GPC6: variants seen among roughly 807,000 people sequenced by gnomAD.
GPC6 encodes glypican-6.
In GPC6, 14 loss-of-function variants were observed where a neutral mutation model predicts 55.2. The observed-to-expected ratio is 0.25, with a 90% CI of 0.17 to 0.40. The LOEUF is 0.40. Among genes scored for constraint, GPC6 ranks in the 10% least tolerant of loss-of-function variants. The pLI is 1.00. For synonymous variants in GPC6, 278 were observed against 259.6 expected, an observed-to-expected ratio of 1.07 and a Z score of -0.68; for missense variants, 641 against 708.5, an observed-to-expected ratio of 0.90 and a Z score of 1.08.
chr13:93,344,126 C>T (rs374380258), intron 1 of GPC6, among the ~76,000 whole-genome samples: 39 of 152,290 alleles, frequency 2.6e-4, no homozygotes, highest in Middle Eastern at 3.4e-3. Context: ...AATAACCCAC[C>T]TCCTCCACTT....
chr13:93,574,444 A>C (rs539965408), intron 2 of GPC6, among the ~76,000 whole-genome samples: 103 of 152,196 alleles, frequency 6.8e-4, no homozygotes, highest in Middle Eastern at 3.4e-3. Flanking sequence ...TATTCTTTAC[A>C]TATTTTGGAG....
At chr13:93,444,195 C>CTTCTTCT (rs755978023) in intron 1 of GPC6, among the ~76,000 whole-genome samples, 130 of 110,688 alleles carry the variant, frequency 1.2e-3, no homozygotes, top group African/African-American at 3.9e-3. Flanking sequence ...TGCAATTCTT[C>CTTCTTCT]TTTTTTTTTT....
At chr13:93,997,863 G>GT (rs1881628233) in intron 3 of GPC6, among the ~76,000 whole-genome samples, 1 of 152,172 alleles carries the variant, frequency 6.6e-6, no homozygotes, top group Non-Finnish European at 1.5e-5. Flanking sequence ...GAAGTTAAAC[G>GT]TAAGGGAAAA....
intron 4 of GPC6, among the ~76,000 whole-genome samples, chr13:94,265,521 T>G (rs915270691): frequency 1.3e-5 from 2 of 152,120 alleles, no homozygotes; most frequent in South Asian, 4.2e-4. Context: ...GTCCACTGAC[T>G]CACATGTTAA....
At chr13:94,241,726 C>A (rs2139026357) in intron 4 of GPC6, among the ~76,000 whole-genome samples, 1 of 152,036 alleles carries the variant, frequency 6.6e-6, no homozygotes, top group Non-Finnish European at 1.5e-5. Flanking sequence ...GAAATATGAC[C>A]AGGCAATGTG....
chr13:93,636,234 A>G (rs779887100), intron 2 of GPC6, among the ~76,000 whole-genome samples: 1 of 152,180 alleles, frequency 6.6e-6, no homozygotes, highest in Non-Finnish European at 1.5e-5. Context: ...TTATATAGCC[A>G]ATGGTGTTGT....
intron 2 of GPC6, among the ~76,000 whole-genome samples, chr13:93,651,362 A>G (rs1406328168): frequency 1.3e-5 from 2 of 152,170 alleles, no homozygotes; most frequent in African/African-American, 4.8e-5. Flanking sequence ...CAAAAGCAGA[A>G]TTAACTGAAA....
intron 4 of GPC6, among the ~76,000 whole-genome samples, chr13:94,053,356 A>G (rs979625100): frequency 6.6e-6 from 1 of 152,200 alleles, no homozygotes; most frequent in Admixed American, 6.5e-5. Flanking sequence ...AGTTAGACCG[A>G]CTTTTGAAGT....
intron 2 of GPC6, among the ~76,000 whole-genome samples, chr13:93,677,893 T>C (rs1439053640): frequency 6.6e-6 from 1 of 152,174 alleles, no homozygotes; most frequent in East Asian, 1.9e-4. Flanking sequence ...CCTATGTAAC[T>C]AATTGCATTT....
At chr13:94,158,211 A>G (rs1888022945) in intron 4 of GPC6, among the ~76,000 whole-genome samples, 1 of 152,130 alleles carries the variant, frequency 6.6e-6, no homozygotes, top group South Asian at 2.1e-4. Context: ...AATTATCAAG[A>G]GCCTTTTCAG....
At chr13:93,576,438 T>C (rs954886797) in intron 2 of GPC6, among the ~76,000 whole-genome samples, 7 of 152,212 alleles carry the variant, frequency 4.6e-5, no homozygotes, top group Admixed American at 4.6e-4. Context: ...ATTTATTAAC[T>C]GCCTGACACA....
At chr13:93,927,086 C>T (rs1482375223) in intron 3 of GPC6, among the ~76,000 whole-genome samples, 1 of 152,138 alleles carries the variant, frequency 6.6e-6, no homozygotes, top group Non-Finnish European at 1.5e-5. Flanking sequence ...ATGTGATGTG[C>T]TGTACGAAAT....
At chr13:93,584,517 CAGT>C (rs959938196) in intron 2 of GPC6, among the ~76,000 whole-genome samples, 4 of 151,994 alleles carry the variant, frequency 2.6e-5, no homozygotes, top group African/African-American at 7.3e-5. Context: ...AAACACTTCT[CAGT>C]GGTAATTTCT....
At chr13:93,427,786 C>T (rs553413052) in intron 1 of GPC6, among the ~76,000 whole-genome samples, 1 of 152,204 alleles carries the variant, frequency 6.6e-6, no homozygotes, top group African/African-American at 2.4e-5. Flanking sequence ...CCGTTCAGTG[C>T]AAAATGAGTG....
intron 1 of GPC6, among the ~76,000 whole-genome samples, chr13:93,277,888 A>G (rs1260397839): frequency 1.3e-5 from 2 of 152,132 alleles, no homozygotes; most frequent in East Asian, 1.9e-4. Context: ...CTTTCCTACC[A>G]TAAAATTAGA....
chr13:93,237,448 T>A (rs1187058964), intron 1 of GPC6, among the ~76,000 whole-genome samples: 1 of 152,214 alleles, frequency 6.6e-6, no homozygotes, highest in East Asian at 1.9e-4. Context: ...TTGTTTGAGA[T>A]CCTTGTAGAT....
intron 4 of GPC6, among the ~76,000 whole-genome samples, chr13:94,047,275 T>C (rs74111420): frequency 0.033 from 5,038 of 152,182 alleles, 272 homozygotes; most frequent in African/African-American, 0.11. Flanking sequence ...CATTTGAATA[T>C]GCTGCTCTTT....
chr13:93,549,391 G>A (rs993819249), intron 2 of GPC6, among the ~76,000 whole-genome samples: 2 of 152,180 alleles, frequency 1.3e-5, no homozygotes, highest in African/African-American at 4.8e-5. Flanking sequence ...AGTAGCTCAC[G>A]TGTAAGAGGA....
At chr13:94,116,013 G>A (rs1886419171) in intron 4 of GPC6, among the ~76,000 whole-genome samples, 1 of 152,018 alleles carries the variant, frequency 6.6e-6, no homozygotes, top group East Asian at 1.9e-4. Flanking sequence ...TCAAGGTTTA[G>A]AAACCCCTAA....
Sources: allele counts gnomAD v4.1 joint callset (sites outside exome capture counted in the v4.1 genomes callset), GRCh38; gene constraint gnomAD v4.1.1; transcripts MANE v1.5; gene names NCBI Gene and HGNC (gene_info 2026-07-23, HGNC 2026-07-21).